DNM2: variants seen among roughly 807,000 people sequenced by gnomAD.
The protein encoded by DNM2 is dynamin 2.
DNM2 carries 15 observed loss-of-function variants against 99.0 expected under a neutral mutation model. The ratio of observed to expected loss-of-function variants is 0.15; its 90% CI spans 0.10 to 0.23. The LOEUF (loss-of-function observed/expected upper bound fraction) is 0.23. Among genes scored for constraint, DNM2 ranks in the 10% least tolerant of loss-of-function variants. The pLI is 1.00. For missense variants in DNM2, 742 were observed against 1,189.4 expected, an observed-to-expected ratio of 0.62 and a Z score of 5.53; for synonymous variants, 525 against 481.2, an observed-to-expected ratio of 1.09 and a Z score of -1.19.
chr19:10,735,775 A>G (rs968427149), intron 1 of DNM2, among the ~76,000 whole-genome samples: 2 of 151,144 alleles, frequency 1.3e-5, no homozygotes, highest in Middle Eastern at 3.2e-3. Context: ...CTGGCTCCCA[A>G]AGTGCTGGGA....
rs1053766613 is a variant in DNM2 at position 10,764,968 on chromosome 19, T to TG, written c.235+5157_235+5158insG. On this transcript the variant is annotated intron_variant, in intron 2 of 20. Coordinates refer to ENST00000389253, the MANE Select transcript of DNM2 (RefSeq NM_001005361.3). The surrounding 1 kb of genome is among the most constrained non-coding windows in gnomAD (Gnocchi z 4.1). ...TTCTTGTTTTTTCTTTTTCTTTTTT[T>TG]TTTTTTTTTGAGATGGAGTCTCGCT... 2.7e-5 allele frequency among the ~76,000 whole-genome samples: 4 copies of TG among 150,424 alleles called. No individual in the cohort carries two copies. The highest frequency in any genetic ancestry group is 7.3e-5 in the African/African-American group (3 of 41,134).
In DNM2 at chr19:10,764,948, G is replaced by GT. The variant is rs1263859016; in HGVS notation, c.235+5143dup. Among the ~76,000 whole-genome samples the GT allele has an allele frequency of 6.6e-6, 1 of 150,652 alleles. No individual in the cohort carries two copies. The highest frequency in any genetic ancestry group is 2.4e-5 in the African/African-American group (1 of 40,996). ...CGGCAGCACGAGTTATCCTGTTCTT[G>GT]TTTTTTCTTTTTCTTTTTTTTTTTT... On this transcript the variant is annotated intron_variant, in intron 2 of 20. Coordinates refer to ENST00000389253, the MANE Select transcript of DNM2 (RefSeq NM_001005361.3). This position sits in a 1 kb window ranked among gnomAD's most constrained non-coding sequence, Gnocchi z 4.1.
chr19:10,735,830 A>T (rs2069503604), intron 1 of DNM2, among the ~76,000 whole-genome samples: 1 of 152,134 alleles, frequency 6.6e-6, no homozygotes, highest in African/African-American at 2.4e-5. Context: ...GGCACTATTG[A>T]AAAGACCATC....
chr19:10,782,008 C>T (rs1390821431), intron 5 of DNM2, among the ~76,000 whole-genome samples: 1 of 151,982 alleles, frequency 6.6e-6, no homozygotes, highest in Non-Finnish European at 1.5e-5. Flanking sequence ...TAGCTCTTCC[C>T]TATTGCTCTT....
chr19:10,750,382 G>A (rs74179949), intron 1 of DNM2, among the ~76,000 whole-genome samples: 1 of 152,118 alleles, frequency 6.6e-6, no homozygotes, highest in South Asian at 2.1e-4. Flanking sequence ...GGGAGGCTGA[G>A]GTGGGAAGTT....
chr19:10,826,912 A>G (rs2073159151), intron 18 of DNM2, among the ~76,000 whole-genome samples: 1 of 152,054 alleles, frequency 6.6e-6, no homozygotes, highest in Admixed American at 6.6e-5. Flanking sequence ...TGGGTTTTGT[A>G]TATGAATGTC....
At chr19:10,798,916 A>G (rs1395458681) in intron 11 of DNM2, among the ~76,000 whole-genome samples, 1 of 152,174 alleles carries the variant, frequency 6.6e-6, no homozygotes, top group Admixed American at 6.5e-5. Flanking sequence ...GCCCCTTTGT[A>G]GTCAACCTCT....
intron 6 of DNM2, among the ~76,000 whole-genome samples, chr19:10,785,388 A>G (rs965628474): frequency 1.3e-5 from 2 of 151,952 alleles, no homozygotes; most frequent in African/African-American, 4.8e-5. Context: ...TGGCCTCCCA[A>G]AGTGCTGGAA....
chr19:10,826,511 C>T lies in DNM2; in HGVS notation c.2058+1290C>T, dbSNP rs951423705. Among the ~76,000 whole-genome samples the T allele has an allele frequency of 4.6e-5, 7 of 152,220 alleles. 1 individual carries two copies. The highest frequency in any genetic ancestry group is 2.6e-4 in the Admixed American group (4 of 15,282). On this transcript the variant is annotated intron_variant, in intron 18 of 20. Transcript: ENST00000389253. ...TGAAATGCAGCTGTACTGATAGTAT[C>T]TCCAGCTCAGGCTGCTAGAGGGCTC...
At chr19:10,737,507 G>A (rs965219346) in intron 1 of DNM2, among the ~76,000 whole-genome samples, 13 of 151,800 alleles carry the variant, frequency 8.6e-5, no homozygotes, top group African/African-American at 3.1e-4. Context: ...TCTTTTTTTG[G>A]GGTGGAGTCT....
chr19:10,721,871 C>T (rs192263443), intron 1 of DNM2, among the ~76,000 whole-genome samples: 1 of 152,252 alleles, frequency 6.6e-6, no homozygotes, highest in Non-Finnish European at 1.5e-5. Flanking sequence ...TGTTAGATTT[C>T]CAGTCAATAT....
intron 2 of DNM2, among the ~76,000 whole-genome samples, chr19:10,768,179 C>T (rs745935439): frequency 6.6e-6 from 1 of 152,048 alleles, no homozygotes; most frequent in East Asian, 1.9e-4. Context: ...GCTGGCCGGG[C>T]GCGGTGGCTC....
chr19:10,816,339 G>A lies in DNM2; in HGVS notation c.1672-3641G>A, dbSNP rs1273085825. Among the ~76,000 whole-genome samples the A allele has an allele frequency of 6.6e-6, 1 of 152,130 alleles. No homozygotes were observed. Among genetic ancestry groups the A allele is most frequent in the East Asian group, 1.9e-4 (1 of 5,188 alleles). ...AAACCTCAGGAGCCCTGAGGCTTCT[G>A]CGGGACTCTGGGGCGCTGTTTCTAA... On this transcript the variant is annotated intron_variant, in intron 15 of 20. Transcript: ENST00000389253. The surrounding 1 kb of genome is among the most constrained non-coding windows in gnomAD (Gnocchi z 4.6).
Position 10,718,310 on chromosome 19 carries a change from T to C in DNM2, c.68T>C (p.Ile23Thr). 6.6e-7 allele frequency: 1 copy of C among 1,512,420 alleles called. No individual in the cohort carries two copies. Among genetic ancestry groups the C allele is most frequent in the Non-Finnish European group, 8.8e-7 (1 of 1,131,740 alleles). 93.7% of individuals were successfully genotyped at this position (1,512,420 alleles called of 1,614,324 possible). A position where few individuals can be genotyped will look rare whatever the true frequency, so the allele number is the denominator to read the frequency against. ...VNKLQDAFSS[I>T]GQSCHLDLPQ... ...AAACTGCAGGACGCCTTCAGCTCCA[T>C]CGGCCAGAGCTGCCACCTGGACCTG... Residue 23 changes from isoleucine (I) to threonine (T), a missense_variant, in exon 1 of 21, where the codon ATC (isoleucine) becomes ACC (threonine). Transcript: ENST00000389253.
intron 7 of DNM2, among the ~76,000 whole-genome samples, chr19:10,789,888 C>A (rs1340977731): frequency 6.6e-6 from 1 of 152,142 alleles, no homozygotes; most frequent in Non-Finnish European, 1.5e-5. Context: ...ACTTGTTAAG[C>A]CTATGGCAGG....
At chr19:10,767,669 G>A (rs1044756585) in intron 2 of DNM2, among the ~76,000 whole-genome samples, 1 of 152,200 alleles carries the variant, frequency 6.6e-6, no homozygotes, top group East Asian at 1.9e-4. Flanking sequence ...ACTTTGGGAG[G>A]CCGAGGTGGG....
chr19:10,737,799 CTCTT>C (rs1381773743), intron 1 of DNM2, among the ~76,000 whole-genome samples: 5 of 152,162 alleles, frequency 3.3e-5, no homozygotes, highest in African/African-American at 1.2e-4. Flanking sequence ...TGTTTGATTT[CTCTT>C]TCTGTCTCCC....
chr19:10,769,071 A>C (rs1241526960), intron 2 of DNM2, among the ~76,000 whole-genome samples: 1 of 152,078 alleles, frequency 6.6e-6, no homozygotes, highest in African/African-American at 2.4e-5. Context: ...GATGGCGCCC[A>C]CTGCCCCTGG....
chr19:10,815,509 T>C (rs1349910666), intron 15 of DNM2, among the ~76,000 whole-genome samples: 1 of 152,136 alleles, frequency 6.6e-6, no homozygotes, highest in East Asian at 1.9e-4. Flanking sequence ...CCCAGGACTG[T>C]GCCTGGCTCA....
Sources: gnomAD v4.1 joint callset for allele counts (sites outside exome capture counted in the v4.1 genomes callset) on GRCh38, gnomAD v4.1.1 for gene constraint, Gnocchi (gnomAD v3.1) non-coding constraint, MANE v1.5 for transcripts, NCBI Gene and HGNC (gene_info 2026-07-23, HGNC 2026-07-21) for gene names.